Variants in NCKAP1 observed in about 807,000 individuals in gnomAD.
NCKAP1 encodes the protein NCK associated protein 1.
NCKAP1 carries 21 observed loss-of-function variants against 151.2 expected under a neutral mutation model. The observed-to-expected ratio is 0.14, with a 90% CI of 0.10 to 0.20. NCKAP1 has a LOEUF of 0.20. Among genes scored for constraint, NCKAP1 ranks in the 10% least tolerant of loss-of-function variants. The probability of loss-of-function intolerance (pLI) is 1.00; values close to 1 mark genes in which losing one functional copy is unlikely to be tolerated. For missense variants in NCKAP1, 933 were observed against 1,352.1 expected (o/e 0.69, Z 4.86); for synonymous variants, 484 against 451.8 (o/e 1.07, Z -0.90).
intron 25 of NCKAP1, 83 bp from the exon 26 acceptor site, chr2:182,934,915 T>G (rs1696842410): frequency 1.5e-6 from 1 of 656,720 alleles, no homozygotes; most frequent in African/African-American, 1.8e-5. Context: ...ATTGATTAAT[T>G]TTAGTTTTCA....
chr2:182,937,746 A>G (rs77847035), intron 24 of NCKAP1, among the ~76,000 whole-genome samples: 459 of 152,332 alleles, frequency 3.0e-3, no homozygotes, highest in Non-Finnish European at 5.3e-3. Context: ...GTAAACTCTC[A>G]TCTATAAGAC....
chr2:182,979,993 T>G (rs1184785533), intron 13 of NCKAP1, among the ~76,000 whole-genome samples: 2 of 152,120 alleles, frequency 1.3e-5, no homozygotes, highest in Non-Finnish European at 2.9e-5. Flanking sequence ...GAAGAAATGC[T>G]AAGAATTAAT....
intron 20 of NCKAP1, 44 bp downstream of exon 20, chr2:182,956,418 C>G: frequency 6.3e-7 from 1 of 1,578,102 alleles, no homozygotes; most frequent in Non-Finnish European, 8.7e-7. Context: ...ATAACAAACT[C>G]ATTACTGAGT....
rs1301942801 is a variant in NCKAP1, at chr2:183,038,278, C to A, written c.-179G>T. 2.4e-6 allele frequency: 1 copy of A among 417,772 alleles called. No individual in the cohort carries two copies. Among genetic ancestry groups the A allele is most frequent in the Non-Finnish European group, 4.2e-6 (1 of 238,620 alleles). The allele number at this position is 417,772 out of a possible 1,614,324, so 25.9% of individuals were successfully genotyped here. ...CGGCGACAGAGCGAGCCGCGGCGGA[C>A]TCCTCGGAGCCCCTTCTCCCGCAGC... On this transcript the variant is annotated 5_prime_UTR_variant, in exon 1 of 31. Coordinates refer to ENST00000361354, the MANE Select transcript of NCKAP1 (RefSeq NM_013436.5).
intron 13 of NCKAP1, among the ~76,000 whole-genome samples, chr2:182,980,756 T>TCC (rs1178059009): frequency 5.3e-5 from 8 of 152,252 alleles, no homozygotes; most frequent in Middle Eastern, 3.4e-3. Context: ...AATTACCAAT[T>TCC]ATATTGTCTC....
chr2:182,952,753 G>T, intron 22 of NCKAP1, 40 bp downstream of exon 22: 1 of 1,520,780 alleles, frequency 6.6e-7, no homozygotes, highest in Non-Finnish European at 8.8e-7. Flanking sequence ...AAAGAATTAA[G>T]TGTTCTTCAT....
At chr2:183,025,047 G>C (rs773388629) in intron 1 of NCKAP1, 10 of 1,555,674 alleles carry the variant, frequency 6.4e-6, no homozygotes, top group Non-Finnish European at 8.8e-6. Context: ...AACAATGATT[G>C]TCAAACTATG....
intron 10 of NCKAP1, among the ~76,000 whole-genome samples, chr2:182,984,162 AAT>A (rs1339205390): frequency 1.3e-5 from 2 of 152,168 alleles, no homozygotes; most frequent in Non-Finnish European, 2.9e-5. Flanking sequence ...ATTCCTATTA[AAT>A]ATACAAAACT....
intron 1 of NCKAP1, among the ~76,000 whole-genome samples, chr2:183,032,818 G>A (rs1021640112): frequency 4.6e-5 from 7 of 152,136 alleles, no homozygotes; most frequent in African/African-American, 9.7e-5. Context: ...AGGCTGAAGC[G>A]AGTGGATTGC....
At chr2:182,994,654 AAAAG>A (rs201461167) in intron 8 of NCKAP1, among the ~76,000 whole-genome samples, 181 bp downstream of exon 8, 2,373 of 152,052 alleles carry the variant, frequency 0.016, 39 homozygotes, top group Middle Eastern at 0.027. Context: ...AAAAAGAAAA[AAAAG>A]AAAAAAAACC....
chr2:182,991,491 G>A (rs1382128109), intron 8 of NCKAP1, among the ~76,000 whole-genome samples: 1 of 152,052 alleles, frequency 6.6e-6, no homozygotes, highest in East Asian at 1.9e-4. Context: ...CTTGGGAGGT[G>A]GAGGGTGCAG....
At chr2:182,947,472 A>C (rs1365445897) in intron 23 of NCKAP1, among the ~76,000 whole-genome samples, 1 of 152,202 alleles carries the variant, frequency 6.6e-6, no homozygotes, top group Non-Finnish European at 1.5e-5. Context: ...GCTTCAGTAC[A>C]CATGCCTGGG....
At position 182,910,932 on chromosome 2, in the gene NCKAP1, A is replaced by G. The variant is rs1696376397; in HGVS notation, c.*14770T>C. 7.0e-6 allele frequency: 1 copy of G among 143,598 alleles called. No homozygotes were observed. The highest frequency in any genetic ancestry group is 2.1e-4 in the East Asian group (1 of 4,690). The allele number at this position is 143,598 out of a possible 1,614,324, so 8.9% of individuals were successfully genotyped here. On this transcript the variant is annotated 3_prime_UTR_variant, in exon 31 of 31. Coordinates refer to ENST00000361354, the MANE Select transcript of NCKAP1 (RefSeq NM_013436.5). ...TGGTCCAACATTATAACTTGGAAAT[A>G]AAAATAAAATCCTAAGCTCCCCCCC... is the stretch of plus-strand genomic sequence containing the variant.
At position 182,913,404 on chromosome 2, in the gene NCKAP1, G is replaced by C. The variant is rs1696424594; in HGVS notation, c.*12298C>G. On this transcript the variant is annotated 3_prime_UTR_variant, in exon 31 of 31. Transcript: ENST00000361354. ...GAATGAATTTATTTCTAGATTAATGGATTGATGGGCTATCAAGGGAGTGGG... is the reference window on the plus strand; with the variant it reads ...GAATGAATTTATTTCTAGATTAATGCATTGATGGGCTATCAAGGGAGTGGG... The C allele has an allele frequency of 6.6e-6, 1 of 152,146 alleles. No homozygotes were observed. The highest frequency in any genetic ancestry group is 6.6e-5 in the Admixed American group (1 of 15,266). The allele number at this position is 152,146 out of a possible 1,614,324, so 9.4% of individuals were successfully genotyped here.
At chr2:183,002,329 C>A (rs1698389641) in intron 4 of NCKAP1, 60 bp from the exon 5 acceptor site, 4 of 1,162,218 alleles carry the variant, frequency 3.4e-6, no homozygotes, top group Middle Eastern at 3.0e-4. Flanking sequence ...TAAACACACA[C>A]AAAATCTTCA....
intron 8 of NCKAP1, among the ~76,000 whole-genome samples, chr2:182,994,570 C>T (rs899067123): frequency 6.6e-6 from 1 of 151,414 alleles, no homozygotes; most frequent in Non-Finnish European, 1.5e-5. Flanking sequence ...ACCCAGGAGG[C>T]GGAGGTTGCA....
Position 182,918,311 on chromosome 2 carries a change from G to A in NCKAP1, c.*7391C>T, listed in dbSNP as rs75003974. On this transcript the variant is annotated 3_prime_UTR_variant, in exon 31 of 31. Coordinates refer to ENST00000361354, the MANE Select transcript of NCKAP1 (RefSeq NM_013436.5). Reference sequence around the variant, plus strand: ...AAGCAGTTTCAAATGCTACTGGATAGAATTTGATCCAGCAATCCTACTACT... The same window carrying A: ...AAGCAGTTTCAAATGCTACTGGATAAAATTTGATCCAGCAATCCTACTACT... 0.017 allele frequency: 2,529 copies of A among 152,158 alleles called. 28 individuals carry two copies. The highest frequency in any genetic ancestry group is 0.025 in the Non-Finnish European group (1,679 of 67,982). 9.4% of individuals were successfully genotyped at this position (152,158 alleles called of 1,614,324 possible).
At chr2:182,933,389 ATTTTT>A (rs35213776) in intron 26 of NCKAP1, among the ~76,000 whole-genome samples, 1 of 124,034 alleles carries the variant, frequency 8.1e-6, no homozygotes, top group Admixed American at 8.7e-5. Context: ...GTGGCACCAC[ATTTTT>A]TTTTTTTTTT....
chr2:182,992,412 A>C lies in NCKAP1; in HGVS notation c.790+2427T>G, dbSNP rs1390464353. Among the ~76,000 whole-genome samples the C allele has an allele frequency of 2.6e-5, 4 of 152,208 alleles. 1 individual carries two copies. Among genetic ancestry groups the C allele is most frequent in the Non-Finnish European group, 5.9e-5 (4 of 68,040 alleles). On this transcript the variant is annotated intron_variant, in intron 8 of 30. Transcript: ENST00000361354. ...TGCTTCCTGATCGACTTACCGGCTC[A>C]TTACACAAACTCATGCCATCAGCAT...
Sources: gnomAD v4.1 joint callset for allele counts (sites outside exome capture counted in the v4.1 genomes callset) on GRCh38, gnomAD v4.1.1 for gene constraint, MANE v1.5 for transcripts, NCBI Gene and HGNC (gene_info 2026-07-23, HGNC 2026-07-21) for gene names.